IFI16: variants seen among roughly 807,000 people sequenced by gnomAD.
The protein encoded by IFI16 is gamma-interferon-inducible protein 16.
Under a neutral mutation model 68.4 loss-of-function variants are expected in IFI16, and 49 were observed. The ratio of observed to expected loss-of-function variants is 0.72; its 90% confidence interval spans 0.57 to 0.91. IFI16 has a LOEUF of 0.91. Ranked by LOEUF, IFI16 falls within the 40% of genes least tolerant of loss-of-function variation. IFI16 has a pLI of 0.00. For missense variants in IFI16, 878 were observed against 942.9 expected, an observed-to-expected ratio of 0.93 and a Z score of 0.90; for synonymous variants, 307 against 315.0, an observed-to-expected ratio of 0.97 and a Z score of 0.27.
At chr1:159,010,344 A>G (rs1449719104) in intron 1 of IFI16, among the ~76,000 whole-genome samples, 183 bp downstream of exon 1, 1 of 152,234 alleles carries the variant, frequency 6.6e-6, no homozygotes, top group Non-Finnish European at 1.5e-5. Context: ...GGAAGATAAC[A>G]GGCATCTTCT....
At chr1:159,017,699 C>A (rs1653023332) in intron 4 of IFI16, among the ~76,000 whole-genome samples, 1 of 152,070 alleles carries the variant, frequency 6.6e-6, no homozygotes, top group Admixed American at 6.5e-5. Context: ...CCTCCACCTC[C>A]CGGGTTCAAG....
At chr1:159,054,380 C>T (rs1655553892) in intron 11 of IFI16, among the ~76,000 whole-genome samples, 1 of 152,184 alleles carries the variant, frequency 6.6e-6, no homozygotes, top group Non-Finnish European at 1.5e-5. Context: ...TATTCAGGCA[C>T]ACACATGCTC....
chr1:159,045,576 A>G (rs1029379857), intron 8 of IFI16, 112 bp downstream of exon 8: 7 of 1,120,550 alleles, frequency 6.2e-6, no homozygotes, highest in Non-Finnish European at 9.0e-6. Flanking sequence ...GCTTTAATTT[A>G]ACCAAATCAG....
At chr1:159,039,589 C>T (rs1160523440) in intron 7 of IFI16, among the ~76,000 whole-genome samples, 1 of 152,126 alleles carries the variant, frequency 6.6e-6, no homozygotes, top group East Asian at 1.9e-4. Flanking sequence ...GGCAATCCTC[C>T]CGCCTCGGCC....
At chr1:159,048,229 GATTT>G (rs1180451313) in intron 8 of IFI16, among the ~76,000 whole-genome samples, 2 of 151,202 alleles carry the variant, frequency 1.3e-5, no homozygotes, top group African/African-American at 4.8e-5. Context: ...TAGCAACAAA[GATTT>G]ATTTATTGAG....
intron 7 of IFI16, among the ~76,000 whole-genome samples, chr1:159,042,896 C>T (rs554496770): frequency 1.3e-5 from 2 of 152,226 alleles, no homozygotes; most frequent in East Asian, 3.9e-4. Flanking sequence ...GGGCCTATAC[C>T]CAAGGCAAAT....
chr1:159,005,012 G>A (rs1216984637), upstream of IFI16, among the ~76,000 whole-genome samples: 1 of 152,212 alleles, frequency 6.6e-6, no homozygotes, highest in Non-Finnish European at 1.5e-5. Flanking sequence ...ATGCAACAGT[G>A]TTGGGAGCTT....
chr1:159,032,776 A>C (rs1175051290), intron 7 of IFI16, 85 bp downstream of exon 7: 2 of 988,888 alleles, frequency 2.0e-6, no homozygotes, highest in Non-Finnish European at 2.8e-6. Flanking sequence ...TACTGCTGTA[A>C]TCTCTGTGAA....
At chr1:159,048,937 T>C (rs1655169300) in intron 8 of IFI16, among the ~76,000 whole-genome samples, 1 of 151,418 alleles carries the variant, frequency 6.6e-6, no homozygotes, top group African/African-American at 2.4e-5. Flanking sequence ...CCCTGAGGAA[T>C]TGTGAATTTG....
At chr1:159,008,471 A>T (rs929150210), upstream of IFI16, among the ~76,000 whole-genome samples, 5 of 152,210 alleles carry the variant, frequency 3.3e-5, no homozygotes, top group Admixed American at 3.3e-4. Context: ...TTGCCCTTAT[A>T]GGTGACCGCA....
intron 1 of IFI16, among the ~76,000 whole-genome samples, chr1:159,011,974 TC>T (rs1652591557): frequency 6.6e-6 from 1 of 152,154 alleles, no homozygotes; most frequent in Non-Finnish European, 1.5e-5. Context: ...TTTTCTTCCC[TC>T]CCTTTACCAT....
chr1:159,020,312 A>G (rs1283549139), intron 5 of IFI16, 29 bp from the exon 6 acceptor site: 1 of 1,521,236 alleles, frequency 6.6e-7, no homozygotes, highest in Non-Finnish European at 9.1e-7. Flanking sequence ...TTACATTCTC[A>G]GGAACAGAAT....
chr1:159,044,818 ATCT>A (rs1195599966), intron 7 of IFI16, among the ~76,000 whole-genome samples: 1 of 152,178 alleles, frequency 6.6e-6, no homozygotes, highest in African/African-American at 2.4e-5. Context: ...ATTTGAGAGA[ATCT>A]TCTTATTATG....
chr1:159,016,441 T>C, intron 3 of IFI16, 92 bp from the exon 4 acceptor site: 1 of 1,184,312 alleles, frequency 8.4e-7, no homozygotes, highest in Non-Finnish European at 1.2e-6. Flanking sequence ...AACATCTTCT[T>C]AGGAATAATA....
chr1:159,050,894 T>C (rs753762393), intron 9 of IFI16, among the ~76,000 whole-genome samples: 48 of 152,212 alleles, frequency 3.2e-4, no homozygotes, highest in Non-Finnish European at 5.1e-4. Flanking sequence ...ATGATGTTTT[T>C]GCAACATAGT....
chr1:159,039,597 G>A (rs1654503263), intron 7 of IFI16, among the ~76,000 whole-genome samples: 3 of 152,124 alleles, frequency 2.0e-5, no homozygotes, highest in Admixed American at 2.0e-4. Context: ...TCCCGCCTCG[G>A]CCTCCCAAAG....
chr1:159,035,719 T>C (rs1654286351), intron 7 of IFI16, among the ~76,000 whole-genome samples: 1 of 150,414 alleles, frequency 6.6e-6, no homozygotes, highest in South Asian at 2.1e-4. Context: ...TCTATATTCA[T>C]TGAGATTTAA....
At chr1:159,021,205 G>C (rs896937169) in intron 6 of IFI16, among the ~76,000 whole-genome samples, 4 of 152,100 alleles carry the variant, frequency 2.6e-5, no homozygotes, top group Non-Finnish European at 2.9e-5. Context: ...TCCAAGCAGC[G>C]TACACTGTAC....
intron 6 of IFI16, among the ~76,000 whole-genome samples, chr1:159,024,317 C>G (rs1481365141): frequency 1.3e-5 from 2 of 152,042 alleles, no homozygotes; most frequent in Non-Finnish European, 2.9e-5. Context: ...TTAAAAACAC[C>G]TAGGGGGTCT....
Sources: allele counts gnomAD v4.1 joint callset (sites outside exome capture counted in the v4.1 genomes callset), GRCh38; gene constraint gnomAD v4.1.1; transcripts MANE v1.5; gene names NCBI Gene and HGNC (gene_info 2026-07-23, HGNC 2026-07-21).